PCBD2: variants seen among roughly 807,000 people sequenced by gnomAD.
PCBD2 encodes pterin-4-alpha-carbinolamine dehydratase 2.
Under a neutral mutation model 16.4 loss-of-function variants are expected in PCBD2, and 12 were observed. The ratio of observed to expected loss-of-function variants is 0.73; its 90% CI spans 0.47 to 1.19. The LOEUF (loss-of-function observed/expected upper bound fraction) is 1.19, where lower values mean the gene tolerates loss of function less well. Among genes scored for constraint, PCBD2 ranks in the 50% most tolerant of loss-of-function variants. The probability of loss-of-function intolerance (pLI) is 0.00; values close to 1 mark genes in which losing one functional copy is unlikely to be tolerated. For missense variants in PCBD2, 138 were observed against 156.8 expected, an observed-to-expected ratio of 0.88 and a Z score of 0.64; for synonymous variants, 58 against 61.8, an observed-to-expected ratio of 0.94 and a Z score of 0.29.
At chr5:134,925,062 A>G (rs1162921166) in intron 2 of PCBD2, 3 of 395,744 alleles carry the variant, frequency 7.6e-6, no homozygotes, top group African/African-American at 4.1e-5. Flanking sequence ...TGGTGATGAG[A>G]AACCCTGCAA....
At chr5:134,923,404 C>A in intron 2 of PCBD2, 1 of 200,366 alleles carries the variant, frequency 5.0e-6, no homozygotes. Flanking sequence ...GTGATTTTGT[C>A]GGAATGGGAG....
At chr5:134,912,181 T>A (rs1750775876) in intron 2 of PCBD2, among the ~76,000 whole-genome samples, 1 of 152,082 alleles carries the variant, frequency 6.6e-6, no homozygotes, top group South Asian at 2.1e-4. Flanking sequence ...TCACCCAACT[T>A]TTAGGAAAAA....
chr5:134,928,607 G>A (rs1483479173), intron 2 of PCBD2: 2 of 194,026 alleles, frequency 1.0e-5, no homozygotes, highest in African/African-American at 4.6e-5. Flanking sequence ...GGCCAAGACA[G>A]GCAGATCACG....
intron 3 of PCBD2, 111 bp from the exon 4 acceptor site, chr5:134,960,475 C>A: frequency 1.4e-6 from 1 of 732,650 alleles, no homozygotes; most frequent in South Asian, 1.9e-5. Context: ...CATTTAATCC[C>A]CCTAATTCTC....
chr5:134,934,807 C>T (rs1036119233), intron 2 of PCBD2, among the ~76,000 whole-genome samples: 2 of 152,122 alleles, frequency 1.3e-5, no homozygotes, highest in African/African-American at 4.8e-5. Context: ...AGATGCGGCT[C>T]ATATATTAAA....
Position 134,961,901 on chromosome 5 carries a change from A to C in PCBD2, c.*1220A>C, listed in dbSNP as rs916387212. On this transcript the variant is annotated 3_prime_UTR_variant, in exon 4 of 4. Coordinates refer to ENST00000254908, the MANE Select transcript of PCBD2 (RefSeq NM_032151.5). The stretch of plus-strand genomic sequence containing the variant: ...CTCAGCCTCCAGAGTAGCTGGGACT[A>C]TAGGCAAGTGCCACCACGCCTGACT... 6.6e-6 allele frequency among the ~76,000 whole-genome samples: 1 copy of C among 152,018 alleles called. No individual in the cohort carries two copies.
chr5:134,910,235 C>T, intron 1 of PCBD2, 100 bp from the exon 2 acceptor site: 1 of 1,305,900 alleles, frequency 7.7e-7, no homozygotes, highest in Non-Finnish European at 1.1e-6. Context: ...AATTTGTTGC[C>T]TTTCAGACTT....
At chr5:134,946,573 G>A (rs1356807625) in intron 2 of PCBD2, among the ~76,000 whole-genome samples, 1 of 152,174 alleles carries the variant, frequency 6.6e-6, no homozygotes, top group East Asian at 1.9e-4. Context: ...TTAAAAATAA[G>A]CAAAAGAAAG....
intron 2 of PCBD2, among the ~76,000 whole-genome samples, chr5:134,955,025 A>T (rs1333965286): frequency 2.0e-5 from 3 of 152,034 alleles, no homozygotes; most frequent in African/African-American, 7.2e-5. Context: ...TACAGGTGTG[A>T]GCCACTGTGT....
At chr5:134,920,558 G>T (rs1289203222) in intron 2 of PCBD2, among the ~76,000 whole-genome samples, 4 of 152,168 alleles carry the variant, frequency 2.6e-5, no homozygotes, top group Non-Finnish European at 5.9e-5. Flanking sequence ...GCAATCAAAG[G>T]TCATTTAATT....
chr5:134,928,711 T>G (rs1057374689), intron 2 of PCBD2, among the ~76,000 whole-genome samples: 2 of 152,104 alleles, frequency 1.3e-5, no homozygotes, highest in African/African-American at 4.8e-5. Flanking sequence ...GGCGGGCGCC[T>G]GTAGTCCCAG....
chr5:134,935,481 G>A (rs1394285800), intron 2 of PCBD2, among the ~76,000 whole-genome samples: 1 of 152,150 alleles, frequency 6.6e-6, no homozygotes, highest in Admixed American at 6.5e-5. Context: ...ATTATATCAT[G>A]TTGTTCACCA....
At chr5:134,937,861 G>A (rs1330766764) in intron 2 of PCBD2, among the ~76,000 whole-genome samples, 2 of 152,226 alleles carry the variant, frequency 1.3e-5, no homozygotes, top group East Asian at 3.8e-4. Flanking sequence ...TCTGATGCAA[G>A]CGTAAGTCTT....
intron 3 of PCBD2, among the ~76,000 whole-genome samples, chr5:134,959,708 G>A (rs1418754885): frequency 1.3e-5 from 2 of 152,016 alleles, no homozygotes; most frequent in Non-Finnish European, 2.9e-5. Flanking sequence ...TGAAAAAAGA[G>A]AATTTCACAA....
chr5:134,934,103 G>A (rs1751130209), intron 2 of PCBD2, among the ~76,000 whole-genome samples: 1 of 152,074 alleles, frequency 6.6e-6, no homozygotes, highest in Non-Finnish European at 1.5e-5. Flanking sequence ...GCTTTCGAGT[G>A]GTTCAGGAAG....
chr5:134,937,044 G>A (rs1427818026), intron 2 of PCBD2, among the ~76,000 whole-genome samples: 1 of 152,132 alleles, frequency 6.6e-6, no homozygotes, highest in Non-Finnish European at 1.5e-5. Context: ...GACTTAAAAG[G>A]CAATGTTTAG....
At chr5:134,906,063 G>A (rs1249022456) in intron 1 of PCBD2, among the ~76,000 whole-genome samples, 1 of 151,680 alleles carries the variant, frequency 6.6e-6, no homozygotes, top group East Asian at 1.9e-4. Flanking sequence ...TAGTAGAGAG[G>A]GGTTTTCGCC....
At chr5:134,951,867 T>C (rs905487204) in intron 2 of PCBD2, among the ~76,000 whole-genome samples, 5 of 152,180 alleles carry the variant, frequency 3.3e-5, no homozygotes, top group Non-Finnish European at 7.4e-5. Flanking sequence ...TAAGGAAGTA[T>C]ATACTGCAAA....
chr5:134,924,618 A>G (rs185413402), intron 2 of PCBD2: 1 of 397,704 alleles, frequency 2.5e-6, no homozygotes, highest in Non-Finnish European at 4.4e-6. Flanking sequence ...TGGTGTGTAT[A>G]TTGTACTAGA....
Sources: allele counts gnomAD v4.1 joint callset (sites outside exome capture counted in the v4.1 genomes callset), GRCh38; gene constraint gnomAD v4.1.1; transcripts MANE v1.5; gene names NCBI Gene and HGNC (gene_info 2026-07-23, HGNC 2026-07-21).